Variants in ABHD2 observed in about 807,000 individuals in gnomAD.
ABHD2 encodes the protein abhydrolase domain containing 2, acylglycerol lipase, also known as monoacylglycerol lipase ABHD2.
Under a neutral mutation model 48.1 loss-of-function variants are expected in ABHD2, and 20 were observed. The observed-to-expected ratio is 0.42, with a 90% CI of 0.29 to 0.60. The LOEUF is 0.60. Ranked by LOEUF, ABHD2 falls within the 20% of genes least tolerant of loss-of-function variation. ABHD2 has a pLI of 0.24. For missense variants in ABHD2, 405 were observed against 550.9 expected (o/e 0.74, Z 2.65); for synonymous variants, 209 against 214.2 (o/e 0.98, Z 0.21).
At chr15:89,183,677 T>TA (rs5814357) in intron 6 of ABHD2, among the ~76,000 whole-genome samples, 49,113 of 150,544 alleles carry the variant, frequency 0.33, 8,562 homozygotes, top group Non-Finnish European at 0.4. Flanking sequence ...GTGTTTTCAA[T>TA]AAAAAAAAAT....
intron 3 of ABHD2, among the ~76,000 whole-genome samples, chr15:89,133,486 G>A (rs959782787): frequency 6.6e-6 from 1 of 152,172 alleles, no homozygotes; most frequent in African/African-American, 2.4e-5. Flanking sequence ...CCAGCACTGT[G>A]AGCACATTTC....
chr15:89,092,808 C>G lies in ABHD2; in HGVS notation c.-107+4245C>G, dbSNP rs192980617. Among the ~76,000 whole-genome samples the G allele has an allele frequency of 7.2e-5, 11 of 152,198 alleles. No homozygotes were observed. The highest frequency in any genetic ancestry group is 2.4e-4 in the African/African-American group (10 of 41,442). On this transcript the variant is annotated intron_variant, in intron 1 of 10. Coordinates refer to ENST00000352732, the MANE Select transcript of ABHD2 (RefSeq NM_152924.5). This position sits in a 1 kb window ranked among gnomAD's most constrained non-coding sequence, Gnocchi z 4.4. ...CTTGGCAGTGTGAAAAGAGCTTCCACGTCATTTTTTATGAAGGCCGTCTAT... is the reference window on the plus strand; with the variant it reads ...CTTGGCAGTGTGAAAAGAGCTTCCAGGTCATTTTTTATGAAGGCCGTCTAT...
intron 6 of ABHD2, among the ~76,000 whole-genome samples, chr15:89,180,017 T>A (rs1180812265): frequency 6.6e-6 from 1 of 152,256 alleles, no homozygotes; most frequent in Non-Finnish European, 1.5e-5. Context: ...CAAATATTAT[T>A]CATAAAGTTT....
At position 89,184,916 on chromosome 15, in the gene ABHD2, T is replaced by G. The variant is rs1310178511; in HGVS notation, c.723-508T>G. ...CAATGGTATAAGGCTAATCAAAAGATAGATGTATTTGGAGGAGATCCCAGT... is the reference window on the plus strand; with the variant it reads ...CAATGGTATAAGGCTAATCAAAAGAGAGATGTATTTGGAGGAGATCCCAGT... On this transcript the variant is annotated intron_variant, in intron 6 of 10. Transcript: ENST00000352732. This position sits in a 1 kb window ranked among gnomAD's most constrained non-coding sequence, Gnocchi z 5.1. Among the ~76,000 whole-genome samples the G allele has an allele frequency of 6.6e-6, 1 of 152,218 alleles. No individual in the cohort carries two copies. The highest frequency in any genetic ancestry group is 1.5e-5 in the Non-Finnish European group (1 of 68,038).
At position 89,177,671 on chromosome 15, in the gene ABHD2, G is replaced by C. The variant is rs2051037962; in HGVS notation, c.722+1676G>C. On this transcript the variant is annotated intron_variant, in intron 6 of 10. Coordinates refer to ENST00000352732, the MANE Select transcript of ABHD2 (RefSeq NM_152924.5). This position sits in a 1 kb window ranked among gnomAD's most constrained non-coding sequence, Gnocchi z 5.6. ...TTTCCTTCACTCCTCTGGACACTGGGGAGTCAGCTGAGAGGACATGTGCCT... is the reference window on the plus strand; with the variant it reads ...TTTCCTTCACTCCTCTGGACACTGGCGAGTCAGCTGAGAGGACATGTGCCT... 6.6e-6 allele frequency among the ~76,000 whole-genome samples: 1 copy of C among 151,992 alleles called. No homozygotes were observed.
rs1019179803 is a variant in ABHD2, at chr15:89,166,528, G to A, written c.539-9284G>A. Among the ~76,000 whole-genome samples, 5 of 152,170 alleles carry A rather than the reference G, an allele frequency of 3.3e-5. No homozygotes were observed. The highest frequency in any genetic ancestry group is 4.8e-5 in the African/African-American group (2 of 41,430). ...TTTTGGATTAAGGCTGCAGTGAACC[G>A]TGATCATGCCACTGCACTCCAGCCT... On this transcript the variant is annotated intron_variant, in intron 5 of 10. Coordinates refer to ENST00000352732, the MANE Select transcript of ABHD2 (RefSeq NM_152924.5). The surrounding 1 kb of genome is among the most constrained non-coding windows in gnomAD (Gnocchi z 4.6).
At chr15:89,079,984 G>T in the ABHD2 span, among the ~76,000 whole-genome samples, 2 of 152,290 alleles carry the variant, frequency 1.3e-5, no homozygotes, top group East Asian at 3.9e-4. This position sits in a 1 kb window ranked among gnomAD's most constrained non-coding sequence, Gnocchi z 4.3. Context: ...GGCTCACTTC[G>T]TAAACCTAGC....
chr15:89,159,409 G>A (rs1250437485), intron 5 of ABHD2, among the ~76,000 whole-genome samples: 1 of 152,154 alleles, frequency 6.6e-6, no homozygotes, highest in African/African-American at 2.4e-5. Flanking sequence ...AGTGTGATGA[G>A]TGGACTAACA....
At chr15:89,124,727 G>A (rs1415011044) in intron 3 of ABHD2, among the ~76,000 whole-genome samples, 1 of 152,108 alleles carries the variant, frequency 6.6e-6, no homozygotes, top group African/African-American at 2.4e-5. Flanking sequence ...GCTGAGGTGG[G>A]TGGATCACGA....
chr15:89,047,309 A>T, the ABHD2 span, among the ~76,000 whole-genome samples: 1 of 150,576 alleles, frequency 6.6e-6, no homozygotes, highest in Non-Finnish European at 1.5e-5. Flanking sequence ...GGAGAGCTTT[A>T]CTTCCAAGTA....
In ABHD2 at chr15:89,178,439, G is replaced by A. The variant is rs539567790; in HGVS notation, c.722+2444G>A. Among the ~76,000 whole-genome samples the A allele has an allele frequency of 7.2e-5, 11 of 152,272 alleles. No homozygotes were observed. The East Asian group carries it at 2.1e-3, about 29-fold the overall frequency. ...CACCAAGGTGGAGCCGGGGAGGCCC[G>A]TCTGCCTCTGCAGGGGCCACACGAG... On this transcript the variant is annotated intron_variant, in intron 6 of 10. Transcript: ENST00000352732.
the ABHD2 span, among the ~76,000 whole-genome samples, chr15:89,041,020 A>C: frequency 6.6e-6 from 1 of 152,262 alleles, no homozygotes; most frequent in African/African-American, 2.4e-5. Context: ...AGAAGATGCC[A>C]GCAGAGGCTT....
chr15:89,138,904 T>G (rs1426003578), intron 3 of ABHD2, among the ~76,000 whole-genome samples: 3 of 151,906 alleles, frequency 2.0e-5, no homozygotes, highest in Non-Finnish European at 2.9e-5. Flanking sequence ...GAAGACACCA[T>G]TGCTCAGAAT....
chr15:89,111,442 C>A (rs531371742), intron 1 of ABHD2, among the ~76,000 whole-genome samples: 2 of 152,334 alleles, frequency 1.3e-5, no homozygotes, highest in East Asian at 1.9e-4. Flanking sequence ...CAGTCTAGAT[C>A]TGATATGGTG....
the ABHD2 span, among the ~76,000 whole-genome samples, chr15:89,048,821 A>G: frequency 9.2e-5 from 14 of 151,620 alleles, no homozygotes; most frequent in African/African-American, 3.4e-4. Flanking sequence ...CAAAGTTTTC[A>G]ACTTCCTTGC....
intron 3 of ABHD2, among the ~76,000 whole-genome samples, chr15:89,144,829 A>G (rs1030106465): frequency 1.4e-4 from 22 of 152,230 alleles, no homozygotes; most frequent in Admixed American, 1.1e-3. Context: ...TTAAAATGTT[A>G]TATGTATTTT....
chr15:89,135,537 A>T (rs1450874786), intron 3 of ABHD2: 1 of 1,375,548 alleles, frequency 7.3e-7, no homozygotes, highest in Non-Finnish European at 1.0e-6. Flanking sequence ...CTACACTAGA[A>T]CCAACTTATT....
chr15:89,118,255 C>T (rs1338439181), intron 3 of ABHD2, among the ~76,000 whole-genome samples: 2 of 151,990 alleles, frequency 1.3e-5, no homozygotes, highest in African/African-American at 2.4e-5. Context: ...ATGATCTCAG[C>T]TCACTGTAAC....
At chr15:89,055,459 A>C in the ABHD2 span, among the ~76,000 whole-genome samples, 1 of 150,790 alleles carries the variant, frequency 6.6e-6, no homozygotes, top group Admixed American at 6.6e-5. Flanking sequence ...CAGCCTCTTG[A>C]GTAGCTGGGA....
Sources: gnomAD v4.1 joint callset for allele counts (sites outside exome capture counted in the v4.1 genomes callset) on GRCh38, gnomAD v4.1.1 for gene constraint, Gnocchi (gnomAD v3.1) non-coding constraint, MANE v1.5 for transcripts, NCBI Gene and HGNC (gene_info 2026-07-23, HGNC 2026-07-21) for gene names.